Variants in GUCY2C observed in about 807,000 individuals in gnomAD.
The protein encoded by GUCY2C is guanylyl cyclase C.
In GUCY2C, 118 loss-of-function variants were observed where a neutral mutation model predicts 131.1. That is an observed-to-expected ratio of 0.90 (90% CI 0.78 to 1.05). The LOEUF (loss-of-function observed/expected upper bound fraction) is 1.05, where lower values mean the gene tolerates loss of function less well. Among genes scored for constraint, GUCY2C ranks in the 50% least tolerant of loss-of-function variants. The pLI is 0.00. For missense variants in GUCY2C, 1,161 were observed against 1,304.4 expected (o/e 0.89, Z 1.69); for synonymous variants, 452 against 457.8 (o/e 0.99, Z 0.16).
intron 19 of GUCY2C, among the ~76,000 whole-genome samples, chr12:14,637,417 C>T (rs1296291961): frequency 6.6e-6 from 1 of 151,960 alleles, no homozygotes; most frequent in Admixed American, 6.6e-5. Flanking sequence ...GTCATTTTCC[C>T]ACAGAAATGG....
intron 9 of GUCY2C, among the ~76,000 whole-genome samples, chr12:14,670,761 A>G (rs1948089452): frequency 6.6e-6 from 1 of 151,654 alleles, no homozygotes; most frequent in African/African-American, 2.4e-5. Context: ...ACCTTCCACC[A>G]TGATTGCGAG....
At chr12:14,679,892 C>A (rs1592141404) in intron 5 of GUCY2C, 139 bp from the exon 6 acceptor site, 1 of 444,872 alleles carries the variant, frequency 2.2e-6, no homozygotes, top group Non-Finnish European at 3.9e-6. Flanking sequence ...TAAATTCCTC[C>A]TTCCTTTTTT....
Position 14,674,643 on chromosome 12 carries a change from T to C in GUCY2C, c.1066A>G (p.Arg356Gly). 6.2e-7 allele frequency: 1 copy of C among 1,613,746 alleles called. No individual in the cohort carries two copies. The highest frequency in any genetic ancestry group is 8.5e-7 in the Non-Finnish European group (1 of 1,179,758). The part of the protein sequence containing the change: ...ITTPKFAHAF[R>G]NLTFEGYDGP... ...CCAGTACCTTCAAAAGTGAGATTCC[T>C]GAAAGCATGAGCAAATTTGGGGGTG... is the stretch of plus-strand genomic sequence containing the variant. Residue 356 changes from arginine (R) to glycine (G), a missense_variant, in exon 8 of 27, where the codon AGG becomes GGG. Transcript: ENST00000261170.
At chr12:14,636,738 A>G (rs1486004199) in intron 19 of GUCY2C, among the ~76,000 whole-genome samples, 1 of 152,142 alleles carries the variant, frequency 6.6e-6, no homozygotes, top group East Asian at 1.9e-4. Context: ...TAGAAAACCT[A>G]AAGCTTCACC....
intron 17 of GUCY2C, among the ~76,000 whole-genome samples, chr12:14,642,942 C>G (rs960326257): frequency 2.0e-5 from 3 of 152,134 alleles, no homozygotes. Flanking sequence ...TATTTTAAGG[C>G]AACATGAGTT....
intron 11 of GUCY2C, among the ~76,000 whole-genome samples, chr12:14,657,290 T>C (rs1947782824): frequency 6.6e-6 from 1 of 152,066 alleles, no homozygotes. Flanking sequence ...GAGGCAAAAA[T>C]GTTAATTTTT....
intron 20 of GUCY2C, among the ~76,000 whole-genome samples, chr12:14,628,178 T>C (rs1947062379): frequency 6.6e-6 from 1 of 152,200 alleles, no homozygotes; most frequent in African/African-American, 2.4e-5. Context: ...CAGATAATTG[T>C]GTACTTTTCT....
intron 24 of GUCY2C, 90 bp from the exon 25 acceptor site, chr12:14,616,817 A>G (rs1359027193): frequency 1.3e-5 from 10 of 764,416 alleles, no homozygotes; most frequent in Non-Finnish European, 4.8e-6. Context: ...CACCTGAGAC[A>G]AGAATCCTAA....
At chr12:14,640,018 C>A (rs1947360556) in intron 18 of GUCY2C, 68 bp from the exon 19 acceptor site, 1 of 1,058,872 alleles carries the variant, frequency 9.4e-7, no homozygotes, top group Non-Finnish European at 1.5e-6. Flanking sequence ...GGAATTTCAA[C>A]AGAAATCCAG....
At chr12:14,661,208 AG>A in intron 10 of GUCY2C, 146 bp from the exon 11 acceptor site, 1 of 610,760 alleles carries the variant, frequency 1.6e-6, no homozygotes, top group Non-Finnish European at 2.9e-6. Flanking sequence ...TGGTAATATA[AG>A]TCCTGTGTCC....
rs1029587332 is a variant in GUCY2C at position 14,645,161 on chromosome 12, T to C, written c.1797+68A>G. 3.3e-5 allele frequency: 28 copies of C among 847,364 alleles called. No individual in the cohort carries two copies. The Middle Eastern group carries it at 1.6e-3, about 48-fold the overall frequency. 52.5% of individuals were successfully genotyped at this position (847,364 alleles called of 1,614,324 possible). A position where few individuals can be genotyped will look rare whatever the true frequency, so the allele number is the denominator to read the frequency against. ...ATGAAGAAACCAATGCACAGAAGGT[T>C]GAATAACTTGTTAGATCTGTTTTCT... On this transcript the variant is annotated intron_variant, in intron 16 of 26. Coordinates refer to ENST00000261170, the MANE Select transcript of GUCY2C (RefSeq NM_004963.4).
intron 15 of GUCY2C, among the ~76,000 whole-genome samples, 184 bp from the exon 16 acceptor site, chr12:14,645,499 G>T (rs1226115464): frequency 6.6e-6 from 1 of 152,108 alleles, no homozygotes; most frequent in African/African-American, 2.4e-5. Context: ...AGCATTGGGT[G>T]GTTTTTGCCA....
chr12:14,625,756 C>A lies in GUCY2C; in HGVS notation c.2408+1G>T. The A allele has an allele frequency of 6.2e-7, 1 of 1,613,720 alleles. No homozygotes were observed. Among genetic ancestry groups the A allele is most frequent in the South Asian group, 1.1e-5 (1 of 91,038 alleles). On this transcript the variant is annotated splice_donor_variant, in intron 21 of 26. Transcript: ENST00000261170. LOFTEE classifies it high-confidence loss of function. ...CTCCACATCAGCAAGGCTTGCCTTA[C>A]CTTGGAAGCAACATAAAGTTAAGTC...
chr12:14,639,592 A>G (rs1947352188), intron 19 of GUCY2C, among the ~76,000 whole-genome samples: 1 of 152,252 alleles, frequency 6.6e-6, no homozygotes, highest in Non-Finnish European at 1.5e-5. Flanking sequence ...GAGGGAGAAT[A>G]GACAGAAGAG....
In GUCY2C at chr12:14,646,911, T is replaced by C. The variant is rs7303635; in HGVS notation, c.1711-1596A>G. Reference sequence around the variant, plus strand: ...ATAATCAGACAAATAAACATAAGATTATAACTGTGATAAGTACGAAGAAAA... The same window carrying C: ...ATAATCAGACAAATAAACATAAGATCATAACTGTGATAAGTACGAAGAAAA... On this transcript the variant is annotated intron_variant, in intron 15 of 26. Coordinates refer to ENST00000261170, the MANE Select transcript of GUCY2C (RefSeq NM_004963.4). Among the ~76,000 whole-genome samples, 1,449 of 152,212 alleles carry C rather than the reference T, an allele frequency of 9.5e-3. 19 individuals are homozygous for C. The highest frequency in any genetic ancestry group is 0.034 in the African/African-American group (1,394 of 41,530).
At chr12:14,645,382 G>T in intron 15 of GUCY2C, 67 bp from the exon 16 acceptor site, 1 of 759,084 alleles carries the variant, frequency 1.3e-6, no homozygotes, top group Non-Finnish European at 2.3e-6. Flanking sequence ...AGACTATTAT[G>T]AAACAAATAA....
chr12:14,680,421 CAT>C (rs1450745436), intron 5 of GUCY2C, among the ~76,000 whole-genome samples: 1 of 152,148 alleles, frequency 6.6e-6, no homozygotes, highest in Non-Finnish European at 1.5e-5. Context: ...TCTTTAGGGA[CAT>C]AAATACTTAT....
At chr12:14,664,828 T>C (rs1235710641) in intron 10 of GUCY2C, among the ~76,000 whole-genome samples, 1 of 152,064 alleles carries the variant, frequency 6.6e-6, no homozygotes, top group Non-Finnish European at 1.5e-5. Flanking sequence ...AGTAGAAATA[T>C]ATTCAGTTAT....
chr12:14,624,927 C>T lies in GUCY2C; in HGVS notation c.2408+830G>A, dbSNP rs138384217. 6.0e-4 allele frequency among the ~76,000 whole-genome samples: 91 copies of T among 152,256 alleles called. 2 individuals are homozygous for T. The highest frequency in any genetic ancestry group is 2.2e-3 in the African/African-American group (90 of 41,544). On this transcript the variant is annotated intron_variant, in intron 21 of 26. Coordinates refer to ENST00000261170, the MANE Select transcript of GUCY2C (RefSeq NM_004963.4). ...AACCAGGATATTGTTTTTGTCACAA[C>T]TCAGCATTAAAGATCAGGCAAGGAG...
Sources: gnomAD v4.1 joint callset for allele counts (sites outside exome capture counted in the v4.1 genomes callset) on GRCh38, gnomAD v4.1.1 for gene constraint, MANE v1.5 for transcripts, NCBI Gene and HGNC (gene_info 2026-07-23, HGNC 2026-07-21) for gene names.